The following FAM83B variants were observed in gnomAD, a reference collection of about 807,000 sequenced individuals.
The protein encoded by FAM83B is protein FAM83B.
A neutral mutation model predicts 38.8 loss-of-function variants in FAM83B; 26 were observed. That is an observed-to-expected ratio of 0.67 (90% confidence interval 0.49 to 0.93). The LOEUF is 0.93. FAM83B is among the 40% of genes least tolerant of loss of function. FAM83B has a pLI of 0.00. For synonymous variants in FAM83B, 419 were observed against 423.1 expected, an observed-to-expected ratio of 0.99 and a Z score of 0.12; for missense variants, 1,237 against 1,197.3, an observed-to-expected ratio of 1.03 and a Z score of -0.49.
chr6:54,925,710 G>A (rs893452613), intron 2 of FAM83B, among the ~76,000 whole-genome samples: 5 of 152,024 alleles, frequency 3.3e-5, no homozygotes, highest in African/African-American at 4.8e-5. Context: ...CAGTATTTAA[G>A]GGGTGTGAAA....
chr6:54,934,121 G>A (rs1773481418), intron 4 of FAM83B, among the ~76,000 whole-genome samples: 1 of 151,960 alleles, frequency 6.6e-6, no homozygotes, highest in Non-Finnish European at 1.5e-5. Flanking sequence ...GGGTACGTAG[G>A]GCTTGTAACT....
chr6:54,872,050 G>A (rs1771869128), intron 2 of FAM83B, among the ~76,000 whole-genome samples: 1 of 152,130 alleles, frequency 6.6e-6, no homozygotes, highest in Non-Finnish European at 1.5e-5. Context: ...TGAAGCTAAT[G>A]TCAAATGCAA....
At chr6:54,908,615 C>T (rs1385548322) in intron 2 of FAM83B, among the ~76,000 whole-genome samples, 1 of 152,164 alleles carries the variant, frequency 6.6e-6, no homozygotes, top group African/African-American at 2.4e-5. Flanking sequence ...CTGTCCTAGA[C>T]TTGCTTCAGC....
At chr6:54,918,975 A>AT (rs1773108448) in intron 2 of FAM83B, among the ~76,000 whole-genome samples, 1 of 151,786 alleles carries the variant, frequency 6.6e-6, no homozygotes, top group Non-Finnish European at 1.5e-5. Context: ...TCTTGAGCTC[A>AT]TTTTTCCACC....
chr6:54,867,004 G>A (rs188377314), intron 1 of FAM83B, among the ~76,000 whole-genome samples: 26 of 151,432 alleles, frequency 1.7e-4, no homozygotes, highest in East Asian at 1.6e-3. Flanking sequence ...GGATTTGTAA[G>A]GCCACTTTTT....
intron 2 of FAM83B, among the ~76,000 whole-genome samples, chr6:54,902,436 C>T (rs1371811421): frequency 6.6e-6 from 1 of 152,008 alleles, no homozygotes; most frequent in African/African-American, 2.4e-5. Flanking sequence ...TCTACTATAT[C>T]GAATTTCTTC....
chr6:54,860,797 A>ATT (rs1295570163), intron 1 of FAM83B, among the ~76,000 whole-genome samples: 2 of 152,246 alleles, frequency 1.3e-5, no homozygotes, highest in Admixed American at 6.5e-5. Context: ...TTTGAGATGA[A>ATT]TCAAAGACCT....
rs138421344 is a variant in FAM83B at position 54,911,140 on chromosome 6, C to CGTGTGTGTGTGTGTGT, written c.445-15220_445-15205dup. Among the ~76,000 whole-genome samples the CGTGTGTGTGTGTGTGT allele has an allele frequency of 3.1e-3, 458 of 147,486 alleles. 2 individuals are homozygous for CGTGTGTGTGTGTGTGT. Among genetic ancestry groups the CGTGTGTGTGTGTGTGT allele is most frequent in the African/African-American group, 4.5e-3 (182 of 40,134 alleles). On this transcript the variant is annotated intron_variant, in intron 2 of 4. Coordinates refer to ENST00000306858, the MANE Select transcript of FAM83B (RefSeq NM_001010872.3). ...GAGAGGAATGCAGAATGACACACAG[C>CGTGTGTGTGTGTGTGT]GTGTGTGTGTGTGTGTGTGTGTGTG...
intron 4 of FAM83B, among the ~76,000 whole-genome samples, chr6:54,930,837 A>T (rs992007795): frequency 6.6e-6 from 1 of 152,102 alleles, no homozygotes; most frequent in Non-Finnish European, 1.5e-5. Context: ...ATACATGTAC[A>T]TATGGTATAG....
upstream of FAM83B, chr6:54,846,694 C>T (rs1358705024): frequency 1.3e-5 from 2 of 152,274 alleles, no homozygotes; most frequent in Non-Finnish European, 2.9e-5. Context: ...CAGCCTCCCT[C>T]CGCGGACCTG....
intron 2 of FAM83B, among the ~76,000 whole-genome samples, chr6:54,902,105 T>G (rs1248078527): frequency 6.6e-6 from 1 of 152,174 alleles, no homozygotes; most frequent in Non-Finnish European, 1.5e-5. Context: ...GTTTTCTTTC[T>G]CACATTGACA....
chr6:54,899,711 G>A (rs1158738779), intron 2 of FAM83B, among the ~76,000 whole-genome samples: 1 of 152,078 alleles, frequency 6.6e-6, no homozygotes, highest in Non-Finnish European at 1.5e-5. Context: ...CATTCATGAG[G>A]CCTCCCACAG....
At chr6:54,855,602 G>A (rs1018643924) in intron 1 of FAM83B, among the ~76,000 whole-genome samples, 10 of 152,126 alleles carry the variant, frequency 6.6e-5, no homozygotes, top group Admixed American at 1.3e-4. Flanking sequence ...TGTTTATGGA[G>A]TGGCTTTACT....
chr6:54,915,597 G>T lies in FAM83B; in HGVS notation c.445-10774G>T, dbSNP rs1472446039. Among the ~76,000 whole-genome samples, 5 of 92,316 alleles carry T rather than the reference G, an allele frequency of 5.4e-5. 1 individual carries two copies. The highest frequency in any genetic ancestry group is 8.4e-5 in the Non-Finnish European group (4 of 47,534). 60.6% of individuals were successfully genotyped at this position (92,316 alleles called of 152,430 possible). On this transcript the variant is annotated intron_variant, in intron 2 of 4. Coordinates refer to ENST00000306858, the MANE Select transcript of FAM83B (RefSeq NM_001010872.3). Reference sequence around the variant, plus strand: ...CGAGGCGGGTGGATCATGAGGTCAGGAGATCGAGACCATCCTGGCTAACAA... The same window carrying T: ...CGAGGCGGGTGGATCATGAGGTCAGTAGATCGAGACCATCCTGGCTAACAA...
In FAM83B at chr6:54,941,262, C is replaced by A. The variant is rs200345393; in HGVS notation, c.2291C>A (p.Ser764Tyr). 55 of 1,611,472 alleles carry A rather than the reference C, an allele frequency of 3.4e-5. No homozygotes were observed. The East Asian group carries it at 6.9e-4, about 20-fold the overall frequency. ...GCTTCAAAGAAGGAAGTTAAGGGTT[C>A]CCCAAGTTTTTTGAAAAAGGGGTCT... Reference protein sequence around the residue: ...ELASKKEVKGSPSFLKKGSQK... With the variant: ...ELASKKEVKGYPSFLKKGSQK... The change falls in exon 5 of 5, where the codon TCC (serine) becomes TAC (tyrosine). Residue 764 changes from serine (S) to tyrosine (Y), a missense_variant. By Grantham distance (144) the Ser-to-Tyr change is moderately radical (BLOSUM62 -2). Coordinates refer to ENST00000306858, the MANE Select transcript of FAM83B (RefSeq NM_001010872.3).
chr6:54,907,519 T>G (rs1581914953), intron 2 of FAM83B, among the ~76,000 whole-genome samples: 1 of 152,308 alleles, frequency 6.6e-6, no homozygotes, highest in African/African-American at 2.4e-5. Context: ...TTTCAATTTC[T>G]ATACTTAACA....
intron 1 of FAM83B, among the ~76,000 whole-genome samples, chr6:54,857,092 A>G (rs1771462917): frequency 6.6e-6 from 1 of 152,202 alleles, no homozygotes; most frequent in South Asian, 2.1e-4. Flanking sequence ...TGTTCCTAAC[A>G]TAACTAAACA....
intron 1 of FAM83B, among the ~76,000 whole-genome samples, chr6:54,857,974 A>G (rs1389077425): frequency 2.0e-5 from 3 of 152,210 alleles, no homozygotes; most frequent in African/African-American, 7.2e-5. Flanking sequence ...TTAGGTGTAA[A>G]GAAAGAAAAC....
chr6:54,940,395 G>A lies in FAM83B; in HGVS notation c.1424G>A (p.Arg475His), dbSNP rs778923838. 10 of 1,613,966 alleles carry A rather than the reference G, an allele frequency of 6.2e-6. No homozygotes were observed. Among genetic ancestry groups the A allele is most frequent in the South Asian group, 4.4e-5 (4 of 91,070 alleles). The change falls in exon 5 of 5, where the codon CGC becomes CAC. Residue 475 changes from arginine to histidine, a missense_variant. Arg to His is a conservative substitution (Grantham distance 29, BLOSUM62 0). Transcript: ENST00000306858. ...TTTAATGGGACAGATAACCATATCCGCTTTTTGCAACAACGAATGCCAACC... is the reference window on the plus strand; with the variant it reads ...TTTAATGGGACAGATAACCATATCCACTTTTTGCAACAACGAATGCCAACC... Reference protein sequence around the residue: ...RSFNGTDNHIRFLQQRMPTLE... With the variant: ...RSFNGTDNHIHFLQQRMPTLE...
Sources: gnomAD v4.1 joint callset for allele counts (sites outside exome capture counted in the v4.1 genomes callset) on GRCh38, gnomAD v4.1.1 for gene constraint, MANE v1.5 for transcripts, NCBI Gene and HGNC (gene_info 2026-07-23, HGNC 2026-07-21) for gene names.